SMAP1: variants seen among roughly 807,000 people sequenced by gnomAD.
SMAP1 encodes small ArfGAP 1.
Under a neutral mutation model 58.5 loss-of-function variants are expected in SMAP1, and 24 were observed. The observed-to-expected ratio is 0.41, with a 90% CI of 0.30 to 0.58. The LOEUF (loss-of-function observed/expected upper bound fraction) is 0.58. SMAP1 is among the 20% of genes least tolerant of loss of function. The pLI is 0.29. For synonymous variants in SMAP1, 216 were observed against 196.6 expected (o/e 1.10, Z -0.82); for missense variants, 563 against 566.3 (o/e 0.99, Z 0.06).
chr6:70,721,144 A>G (rs1355354563), intron 1 of SMAP1, among the ~76,000 whole-genome samples: 3 of 152,162 alleles, frequency 2.0e-5, no homozygotes, highest in South Asian at 2.1e-4. Context: ...TTTCTTTTCT[A>G]TCGCATAGTC....
intron 3 of SMAP1, among the ~76,000 whole-genome samples, chr6:70,765,101 A>G (rs1248035012): frequency 2.6e-5 from 4 of 152,214 alleles, no homozygotes; most frequent in Admixed American, 6.5e-5. Context: ...TTGCCCAGCC[A>G]GAAAACTTGT....
Position 70,835,251 on chromosome 6 carries a change from CAAAAA to C in SMAP1, c.577-1672_577-1668del, listed in dbSNP as rs778677881. On this transcript the variant is annotated intron_variant, in intron 6 of 10. Coordinates refer to ENST00000370455, the MANE Select transcript of SMAP1 (RefSeq NM_001044305.3). ...TGGGCTACAGAGCGAGACTCCGTCT[CAAAAA>C]AAAAAAAAAAAAAAAAAGAATTGAC... is the stretch of plus-strand genomic sequence containing the variant. Among the ~76,000 whole-genome samples, 24 of 57,940 alleles carry C rather than the reference CAAAAA, an allele frequency of 4.1e-4. No homozygotes were observed. In the South Asian group the frequency reaches 5.5e-3, roughly 13 times the overall value. The allele number at this position is 57,940 out of a possible 152,430, so 38.0% of individuals were successfully genotyped here.
intron 5 of SMAP1, among the ~76,000 whole-genome samples, chr6:70,792,283 G>A (rs1182021184): frequency 2.0e-5 from 3 of 150,208 alleles, no homozygotes; most frequent in Non-Finnish European, 4.4e-5. Flanking sequence ...AAAGTCATCT[G>A]TACAAATATT....
intron 3 of SMAP1, among the ~76,000 whole-genome samples, chr6:70,770,830 T>G (rs1170917142): frequency 6.6e-6 from 1 of 152,186 alleles, no homozygotes; most frequent in African/African-American, 2.4e-5. Flanking sequence ...GTGCTCTGCT[T>G]TTTAGAGTTT....
intron 6 of SMAP1, among the ~76,000 whole-genome samples, chr6:70,824,555 A>T (rs1057463227): frequency 7.2e-5 from 11 of 152,142 alleles, no homozygotes; most frequent in Non-Finnish European, 1.3e-4. Flanking sequence ...TACATTCTTA[A>T]TATGAATTTT....
chr6:70,806,166 A>G (rs572447264), intron 6 of SMAP1, among the ~76,000 whole-genome samples: 4 of 152,182 alleles, frequency 2.6e-5, no homozygotes, highest in Non-Finnish European at 4.4e-5. Flanking sequence ...GGCTCCGCTA[A>G]GTTTGAGCTT....
chr6:70,837,433 G>A (rs1227189771), intron 7 of SMAP1, among the ~76,000 whole-genome samples: 3 of 151,836 alleles, frequency 2.0e-5, no homozygotes, highest in East Asian at 3.9e-4. Flanking sequence ...AAATACGTTG[G>A]TTTAAAATAA....
intron 1 of SMAP1, among the ~76,000 whole-genome samples, chr6:70,712,289 G>C (rs1768087396): frequency 6.6e-6 from 1 of 152,172 alleles, no homozygotes; most frequent in Non-Finnish European, 1.5e-5. Context: ...AATCCCACTT[G>C]GTCAAAGTGT....
chr6:70,681,240 G>T (rs535521903), intron 1 of SMAP1, among the ~76,000 whole-genome samples: 24 of 152,000 alleles, frequency 1.6e-4, no homozygotes, highest in African/African-American at 5.3e-4. Flanking sequence ...GCAAAATGAC[G>T]AAACTCTGTC....
chr6:70,758,495 A>C (rs1159535325), intron 3 of SMAP1, among the ~76,000 whole-genome samples: 1 of 151,982 alleles, frequency 6.6e-6, no homozygotes, highest in African/African-American at 2.4e-5. Context: ...CATTGTGCAC[A>C]TGTACCCTAA....
intron 5 of SMAP1, among the ~76,000 whole-genome samples, chr6:70,793,274 C>A (rs1318715440): frequency 6.6e-6 from 1 of 152,086 alleles, no homozygotes; most frequent in East Asian, 1.9e-4. Context: ...GCCTTGTGAT[C>A]CACCCGACTC....
intron 1 of SMAP1, among the ~76,000 whole-genome samples, chr6:70,679,449 A>G (rs1265561799): frequency 6.6e-6 from 1 of 152,230 alleles, no homozygotes; most frequent in Non-Finnish European, 1.5e-5. Context: ...GTCATTTAAC[A>G]ATCTCTTTGC....
chr6:70,722,942 G>T (rs988131645), intron 1 of SMAP1, among the ~76,000 whole-genome samples: 1 of 152,184 alleles, frequency 6.6e-6, no homozygotes, highest in Non-Finnish European at 1.5e-5. Flanking sequence ...GCCAGCTTTG[G>T]GGCCAGTTTA....
intron 1 of SMAP1, among the ~76,000 whole-genome samples, chr6:70,729,370 T>C (rs533297849): frequency 4.3e-4 from 61 of 141,946 alleles, no homozygotes; most frequent in South Asian, 2.2e-3. Context: ...ACCTGGGAGG[T>C]GGAGCTTGCA....
At chr6:70,782,436 G>T (rs1187509480) in intron 4 of SMAP1, among the ~76,000 whole-genome samples, 3 of 152,160 alleles carry the variant, frequency 2.0e-5, no homozygotes, top group Non-Finnish European at 2.9e-5. Flanking sequence ...AATAATATCT[G>T]CCACAGATAA....
At chr6:70,770,131 T>C (rs1186977565) in intron 3 of SMAP1, among the ~76,000 whole-genome samples, 1 of 151,984 alleles carries the variant, frequency 6.6e-6, no homozygotes, top group Admixed American at 6.5e-5. Flanking sequence ...GTTAGTCTGA[T>C]GGGCTTCCCT....
intron 4 of SMAP1, among the ~76,000 whole-genome samples, chr6:70,788,102 A>G (rs1768150495): frequency 6.6e-6 from 1 of 152,020 alleles, no homozygotes; most frequent in African/African-American, 2.4e-5. Flanking sequence ...CATATACACC[A>G]TGGAATACTA....
intron 1 of SMAP1, among the ~76,000 whole-genome samples, chr6:70,675,781 A>G (rs1448531627): frequency 1.3e-5 from 2 of 152,304 alleles, no homozygotes; most frequent in Admixed American, 6.5e-5. Context: ...GGTGTGGAGA[A>G]AAGAGTTAAC....
chr6:70,713,957 C>T (rs1248850036), intron 1 of SMAP1, among the ~76,000 whole-genome samples: 1 of 151,528 alleles, frequency 6.6e-6, no homozygotes, highest in Non-Finnish European at 1.5e-5. Context: ...ATTGTTATAT[C>T]TTCTTGTTGA....
Sources: allele counts gnomAD v4.1 joint callset (sites outside exome capture counted in the v4.1 genomes callset), GRCh38; gene constraint gnomAD v4.1.1; transcripts MANE v1.5; gene names NCBI Gene and HGNC (gene_info 2026-07-23, HGNC 2026-07-21).